Variants in FBXL17 observed in about 807,000 individuals in gnomAD.
FBXL17 encodes F-box/LRR-repeat protein 17.
A neutral mutation model predicts 66.2 loss-of-function variants in FBXL17; 22 were observed. That is an observed-to-expected ratio of 0.33 (90% confidence interval 0.24 to 0.47). The LOEUF is 0.47. FBXL17 is among the 20% of genes least tolerant of loss of function. The probability of loss-of-function intolerance (pLI) is 1.00; values close to 1 mark genes in which losing one functional copy is unlikely to be tolerated. For missense variants in FBXL17, 878 were observed against 948.2 expected, an observed-to-expected ratio of 0.93 and a Z score of 0.97; for synonymous variants, 474 against 400.5, an observed-to-expected ratio of 1.18 and a Z score of -2.19.
chr5:108,180,225 A>G (rs1752947215), intron 6 of FBXL17, among the ~76,000 whole-genome samples: 1 of 152,194 alleles, frequency 6.6e-6, no homozygotes. Flanking sequence ...AAAGAGAAAT[A>G]TCTGGTTGGG....
chr5:108,076,229 A>G (rs894304884), intron 6 of FBXL17, among the ~76,000 whole-genome samples: 2 of 152,132 alleles, frequency 1.3e-5, no homozygotes, highest in Admixed American at 6.5e-5. Context: ...TGAGGTTTAG[A>G]CAAGTGACCA....
At chr5:108,228,461 C>A (rs538507575) in intron 4 of FBXL17, among the ~76,000 whole-genome samples, 9 of 152,146 alleles carry the variant, frequency 5.9e-5, no homozygotes, top group Non-Finnish European at 8.8e-5. Flanking sequence ...TGATTTTCAA[C>A]AAGTCATTTC....
intron 7 of FBXL17, among the ~76,000 whole-genome samples, chr5:107,923,642 T>C (rs1750398169): frequency 6.6e-6 from 1 of 152,174 alleles, no homozygotes; most frequent in Non-Finnish European, 1.5e-5. Context: ...ATTATTGCTG[T>C]AGTAAAATGA....
At chr5:108,227,036 T>C (rs997591912) in intron 4 of FBXL17, among the ~76,000 whole-genome samples, 41 of 152,168 alleles carry the variant, frequency 2.7e-4, no homozygotes, top group Admixed American at 3.9e-4. Context: ...GCCAATTCCT[T>C]ACAACAATCT....
At chr5:108,145,964 A>C (rs895982418) in intron 6 of FBXL17, among the ~76,000 whole-genome samples, 1 of 152,072 alleles carries the variant, frequency 6.6e-6, no homozygotes, top group Non-Finnish European at 1.5e-5. Flanking sequence ...CACGCCTTTA[A>C]TCCCAGCACT....
In FBXL17 at chr5:107,859,373, G is replaced by A. The variant is rs142956151; in HGVS notation, c.*2347C>T. ...CAACCATCACAGGACCACTCAAGGT[G>A]ATGCTTTTTTCTGGCTGTTTTTTTT... On this transcript the variant is annotated 3_prime_UTR_variant, in exon 9 of 9. Transcript: ENST00000542267. The A allele has an allele frequency of 7.3e-6, 1 of 137,552 alleles. No individual in the cohort carries two copies. Among genetic ancestry groups the A allele is most frequent in the African/African-American group, 2.7e-5 (1 of 36,826 alleles). 8.5% of individuals were successfully genotyped at this position (137,552 alleles called of 1,614,324 possible).
At chr5:108,255,576 T>C (rs1253278469) in intron 4 of FBXL17, among the ~76,000 whole-genome samples, 1 of 152,164 alleles carries the variant, frequency 6.6e-6, no homozygotes, top group Non-Finnish European at 1.5e-5. Flanking sequence ...GGTTCATAAT[T>C]AGGCTTAATC....
intron 5 of FBXL17, among the ~76,000 whole-genome samples, chr5:108,189,306 TGGG>T (rs1753368743): frequency 9.0e-6 from 1 of 111,482 alleles, no homozygotes; most frequent in Admixed American, 1.0e-4. Flanking sequence ...TGGGATGGGA[TGGG>T]ATGGGATGGG....
At chr5:108,052,112 C>CAAAAAAAAAAAAAAAA (rs144705189) in intron 6 of FBXL17, among the ~76,000 whole-genome samples, 4 of 102,172 alleles carry the variant, frequency 3.9e-5, no homozygotes, top group Admixed American at 1.1e-4. Context: ...GACTTCGTCT[C>CAAAAAAAAAAAAAAAA]AAAAAAAAAA....
At chr5:107,892,478 G>A (rs1179832802) in intron 7 of FBXL17, among the ~76,000 whole-genome samples, 2 of 151,916 alleles carry the variant, frequency 1.3e-5, no homozygotes, top group Non-Finnish European at 2.9e-5. Flanking sequence ...TCAACATTAT[G>A]CAAGTTTTAT....
intron 6 of FBXL17, among the ~76,000 whole-genome samples, chr5:108,168,619 C>T (rs963725600): frequency 9.9e-5 from 15 of 152,114 alleles, no homozygotes; most frequent in African/African-American, 3.4e-4. Flanking sequence ...GCTTGCAGGA[C>T]ATCATTCTCC....
At chr5:108,253,657 T>C (rs763045060) in intron 4 of FBXL17, among the ~76,000 whole-genome samples, 12 of 152,124 alleles carry the variant, frequency 7.9e-5, no homozygotes, top group Non-Finnish European at 1.3e-4. Context: ...GAACTAACAA[T>C]AATTTAAGAA....
At chr5:108,028,504 T>G (rs1453053545) in intron 6 of FBXL17, among the ~76,000 whole-genome samples, 1 of 152,130 alleles carries the variant, frequency 6.6e-6, no homozygotes, top group Non-Finnish European at 1.5e-5. Context: ...AGATGAGATT[T>G]CAGGCATCAT....
intron 7 of FBXL17, among the ~76,000 whole-genome samples, chr5:107,933,173 T>C (rs1413422540): frequency 6.6e-6 from 1 of 152,166 alleles, no homozygotes; most frequent in Admixed American, 6.6e-5. Context: ...AAGTGCCTTG[T>C]AAATGGTTGA....
rs186876593 is a variant in FBXL17 at position 107,922,199 on chromosome 5, A to G, written c.1823-41020T>C. Among the ~76,000 whole-genome samples the G allele has an allele frequency of 3.9e-5, 6 of 152,342 alleles. No homozygotes were observed. In the East Asian group the frequency reaches 9.7e-4, roughly 25 times the overall value. On this transcript the variant is annotated intron_variant, in intron 7 of 8. Coordinates refer to ENST00000542267, the MANE Select transcript of FBXL17 (RefSeq NM_001163315.3). Reference sequence around the variant, plus strand: ...CTCTAATGCTGTGGGCACTAGAGTCACTAATATGTATGAAAGTCTATGGGA... The same window carrying G: ...CTCTAATGCTGTGGGCACTAGAGTCGCTAATATGTATGAAAGTCTATGGGA...
intron 4 of FBXL17, among the ~76,000 whole-genome samples, chr5:108,230,622 A>G (rs1755290561): frequency 6.6e-6 from 1 of 152,008 alleles, no homozygotes; most frequent in African/African-American, 2.4e-5. Context: ...GGTTCAGTGT[A>G]TACTGCTCGG....
chr5:108,190,782 A>C (rs1400859027), intron 5 of FBXL17, among the ~76,000 whole-genome samples: 1 of 152,142 alleles, frequency 6.6e-6, no homozygotes, highest in Non-Finnish European at 1.5e-5. Flanking sequence ...TTTCTACCTA[A>C]AAATCACCAT....
chr5:107,870,579 G>A (rs1330223595), intron 8 of FBXL17, among the ~76,000 whole-genome samples: 1 of 151,800 alleles, frequency 6.6e-6, no homozygotes, highest in Non-Finnish European at 1.5e-5. Flanking sequence ...CTCACGATTA[G>A]GTATTTAATA....
At chr5:107,889,698 G>A (rs967704518) in intron 7 of FBXL17, among the ~76,000 whole-genome samples, 1 of 152,154 alleles carries the variant, frequency 6.6e-6, no homozygotes, top group African/African-American at 2.4e-5. Context: ...TCCTTCCTAT[G>A]AGATGAACAA....
Sources: gnomAD v4.1 joint callset for allele counts (sites outside exome capture counted in the v4.1 genomes callset) on GRCh38, gnomAD v4.1.1 for gene constraint, MANE v1.5 for transcripts, NCBI Gene and HGNC (gene_info 2026-07-23, HGNC 2026-07-21) for gene names.